The following ST8SIA2 variants were observed in gnomAD, a reference collection of about 807,000 sequenced individuals.
ST8SIA2 encodes the protein ST8 alpha-N-acetyl-neuraminide alpha-2,8-sialyltransferase 2.
Under a neutral mutation model 37.6 loss-of-function variants are expected in ST8SIA2, and 22 were observed. The ratio of observed to expected loss-of-function variants is 0.58; its 90% CI spans 0.42 to 0.83. The LOEUF (loss-of-function observed/expected upper bound fraction) is 0.83. Ranked by LOEUF, ST8SIA2 falls within the 40% of genes least tolerant of loss-of-function variation. The pLI, the probability that ST8SIA2 is intolerant of heterozygous loss-of-function variation, is 0.00. For synonymous variants in ST8SIA2, 205 were observed against 201.2 expected (o/e 1.02, Z -0.16); for missense variants, 382 against 484.7 (o/e 0.79, Z 1.99).
At chr15:92,462,315 G>A (rs1014386112) in intron 5 of ST8SIA2, among the ~76,000 whole-genome samples, 1 of 152,132 alleles carries the variant, frequency 6.6e-6, no homozygotes, top group Non-Finnish European at 1.5e-5. Flanking sequence ...ACTTACATAG[G>A]TTATTGATAA....
chr15:92,415,996 C>G (rs2049583354), intron 1 of ST8SIA2, among the ~76,000 whole-genome samples: 1 of 152,106 alleles, frequency 6.6e-6, no homozygotes, highest in Non-Finnish European at 1.5e-5. Context: ...GAACCTCATT[C>G]TGAAAGCTGC....
At chr15:92,419,612 G>A (rs907066974) in intron 1 of ST8SIA2, among the ~76,000 whole-genome samples, 11 of 152,264 alleles carry the variant, frequency 7.2e-5, no homozygotes, top group South Asian at 6.2e-4. Context: ...CCAGGACGCC[G>A]AGGCAGGGTG....
chr15:92,408,979 C>T (rs1171686517), intron 1 of ST8SIA2, among the ~76,000 whole-genome samples: 1 of 152,154 alleles, frequency 6.6e-6, no homozygotes, highest in African/African-American at 2.4e-5. Flanking sequence ...GCTGGGATTA[C>T]AGGCATGAGC....
At chr15:92,407,657 T>C (rs1286773759) in intron 1 of ST8SIA2, among the ~76,000 whole-genome samples, 1 of 152,100 alleles carries the variant, frequency 6.6e-6, no homozygotes, top group Admixed American at 6.5e-5. Flanking sequence ...AGCAGGGGAA[T>C]GGAGAGGGAA....
At chr15:92,443,640 A>C (rs3784733) in intron 4 of ST8SIA2, among the ~76,000 whole-genome samples, 51,005 of 151,192 alleles carry the variant, frequency 0.34, 9,136 homozygotes, top group East Asian at 0.7. Context: ...TTGATATCTC[A>C]CTCTGCTTGC....
chr15:92,399,654 T>G (rs150939086), intron 1 of ST8SIA2, among the ~76,000 whole-genome samples: 1 of 152,320 alleles, frequency 6.6e-6, no homozygotes, highest in Non-Finnish European at 1.5e-5. Flanking sequence ...CACTGAAGTA[T>G]AAGCATGATT....
At chr15:92,418,229 A>G (rs551029428) in intron 1 of ST8SIA2, among the ~76,000 whole-genome samples, 3 of 151,772 alleles carry the variant, frequency 2.0e-5, no homozygotes, top group Non-Finnish European at 2.9e-5. Flanking sequence ...TGAGCCCAGA[A>G]GATCACTTGA....
At chr15:92,463,508 G>A (rs369941166) in intron 5 of ST8SIA2, among the ~76,000 whole-genome samples, 5 of 152,150 alleles carry the variant, frequency 3.3e-5, no homozygotes, top group African/African-American at 9.7e-5. Context: ...ATGCAGATCC[G>A]CGAGGGGACG....
intron 4 of ST8SIA2, among the ~76,000 whole-genome samples, chr15:92,440,370 G>A (rs187647784): frequency 5.9e-5 from 9 of 152,204 alleles, no homozygotes; most frequent in African/African-American, 1.9e-4. Context: ...GGGTACAGCC[G>A]GCAACTCAGC....
intron 1 of ST8SIA2, among the ~76,000 whole-genome samples, chr15:92,425,266 C>G (rs1359014491): frequency 1.3e-5 from 2 of 152,224 alleles, no homozygotes; most frequent in Admixed American, 6.5e-5. Context: ...AGCCAAACAT[C>G]TGCAGCCCAG....
rs2050006050 is a variant in ST8SIA2 at position 92,468,115 on chromosome 15, C to G, written c.*3730C>G. The stretch of plus-strand genomic sequence containing the variant: ...TAGCACTAATCTCGACTCTTTGTCA[C>G]TTGGACTATTTCAGCAACAGTCTCA... On this transcript the variant is annotated 3_prime_UTR_variant, in exon 6 of 6. Coordinates refer to ENST00000268164, the MANE Select transcript of ST8SIA2 (RefSeq NM_006011.4). The G allele has an allele frequency of 1.3e-5, 2 of 152,470 alleles. No individual in the cohort carries two copies. The highest frequency in any genetic ancestry group is 4.1e-4 in the South Asian group (2 of 4,830). 9.4% of individuals were successfully genotyped at this position (152,470 alleles called of 1,614,324 possible).
chr15:92,407,526 G>C (rs1348227998), intron 1 of ST8SIA2, among the ~76,000 whole-genome samples: 2 of 152,146 alleles, frequency 1.3e-5, no homozygotes, highest in African/African-American at 2.4e-5. Flanking sequence ...CACAGCACAG[G>C]GCCCCACTTC....
intron 1 of ST8SIA2, among the ~76,000 whole-genome samples, chr15:92,427,324 T>C (rs2049684249): frequency 6.7e-6 from 1 of 149,732 alleles, no homozygotes; most frequent in African/African-American, 2.5e-5. Context: ...CTATACTCCA[T>C]GAGCACGGGG....
At chr15:92,410,772 G>A (rs865775764) in intron 1 of ST8SIA2, among the ~76,000 whole-genome samples, 8 of 152,174 alleles carry the variant, frequency 5.3e-5, no homozygotes, top group Non-Finnish European at 7.3e-5. Flanking sequence ...CGTGCTCATA[G>A]TACTGCTGAT....
rs372535278 is a variant in ST8SIA2 at position 92,397,979 on chromosome 15, A to C, written c.98+3817A>C. Among the ~76,000 whole-genome samples the C allele has an allele frequency of 9.2e-5, 14 of 152,232 alleles. No homozygotes were observed. The East Asian group carries it at 1.5e-3, about 17-fold the overall frequency. On this transcript the variant is annotated intron_variant, in intron 1 of 5. Transcript: ENST00000268164. ...GAAACTCCATCTCTACTAAAAGTAC[A>C]AAAATTAGCCAGGCATGGTGGCGGG...
intron 5 of ST8SIA2, among the ~76,000 whole-genome samples, chr15:92,459,490 G>A (rs765448827): frequency 5.9e-5 from 9 of 152,248 alleles, no homozygotes; most frequent in East Asian, 1.9e-4. Context: ...CTGGACTCCC[G>A]CGTTTTCCTT....
In ST8SIA2 at chr15:92,405,241, T is replaced by C. The variant is rs2049499341; in HGVS notation, c.98+11079T>C. Among the ~76,000 whole-genome samples the C allele has an allele frequency of 2.0e-5, 3 of 152,334 alleles. No individual in the cohort carries two copies. In the South Asian group the frequency reaches 6.2e-4, roughly 32 times the overall value. On this transcript the variant is annotated intron_variant, in intron 1 of 5. Transcript: ENST00000268164. ...AAGCCAGTGGCCAAAGCACAAATAC[T>C]GTATGGTTCTACGTACATGAGGCAT...
intron 4 of ST8SIA2, among the ~76,000 whole-genome samples, chr15:92,443,847 G>A (rs1039680236): frequency 2.0e-5 from 3 of 152,068 alleles, no homozygotes; most frequent in Admixed American, 6.6e-5. Context: ...AATAGGTATC[G>A]ATGCTTAGGC....
intron 1 of ST8SIA2, among the ~76,000 whole-genome samples, chr15:92,399,355 G>A (rs973809252): frequency 1.3e-5 from 2 of 152,180 alleles, no homozygotes; most frequent in African/African-American, 2.4e-5. Flanking sequence ...CACGGCCAGG[G>A]GTCCTAGTGC....
Sources: allele counts gnomAD v4.1 joint callset (sites outside exome capture counted in the v4.1 genomes callset), GRCh38; gene constraint gnomAD v4.1.1; transcripts MANE v1.5; gene names NCBI Gene and HGNC (gene_info 2026-07-23, HGNC 2026-07-21).